The following GRAMD4 variants were observed in gnomAD, a reference collection of about 807,000 sequenced individuals.
GRAMD4 encodes the protein GRAM domain containing 4.
In GRAMD4, 25 loss-of-function variants were observed where a neutral mutation model predicts 83.9. That is an observed-to-expected ratio of 0.30 (90% CI 0.22 to 0.42). The LOEUF (loss-of-function observed/expected upper bound fraction) is 0.42. Ranked by LOEUF, GRAMD4 falls within the 10% of genes least tolerant of loss-of-function variation. The probability of loss-of-function intolerance (pLI) is 1.00; values close to 1 mark genes in which losing one functional copy is unlikely to be tolerated. For missense variants in GRAMD4, 593 were observed against 788.7 expected, an observed-to-expected ratio of 0.75 and a Z score of 2.97; for synonymous variants, 336 against 320.9, an observed-to-expected ratio of 1.05 and a Z score of -0.50.
At position 46,672,781 on chromosome 22, in the gene GRAMD4, C is replaced by G. The variant is rs971471941; in HGVS notation, c.1085-62C>G. 3 of 1,386,198 alleles carry G rather than the reference C, an allele frequency of 2.2e-6. No individual in the cohort carries two copies. In the Admixed American group the frequency reaches 5.4e-5, roughly 25 times the overall value. The allele number at this position is 1,386,198 out of a possible 1,614,324, so 85.9% of individuals were successfully genotyped here. On this transcript the variant is annotated intron_variant, in intron 13 of 18. Transcript: ENST00000406902. The surrounding 1 kb of genome is among the most constrained non-coding windows in gnomAD (Gnocchi z 4.7). ...AGGTGGGAGGTGCCGGAACCATCAC[C>G]CTGAGTAGACTGGCATAGCTGCAGA...
At chr22:46,576,835 C>T (rs1602276916), upstream of GRAMD4, among the ~76,000 whole-genome samples, 1 of 147,210 alleles carries the variant, frequency 6.8e-6, no homozygotes, top group African/African-American at 2.5e-5. Flanking sequence ...AGCGCGCGGA[C>T]GGCGTGGCCG....
chr22:46,648,819 G>C (rs1052823706), intron 3 of GRAMD4, among the ~76,000 whole-genome samples: 14 of 138,826 alleles, frequency 1.0e-4, no homozygotes, highest in African/African-American at 3.7e-4. Context: ...TGGATGGATG[G>C]ATGGATGGAT....
intron 17 of GRAMD4, among the ~76,000 whole-genome samples, chr22:46,675,768 A>G (rs1452739523): frequency 2.0e-5 from 3 of 152,060 alleles, no homozygotes; most frequent in African/African-American, 7.2e-5. Context: ...CGTGTGTCTC[A>G]AAGTGGAGGG....
intron 13 of GRAMD4, 30 bp downstream of exon 13, chr22:46,668,938 T>A: frequency 7.9e-7 from 1 of 1,271,076 alleles, no homozygotes; most frequent in Non-Finnish European, 1.1e-6. Flanking sequence ...GCCTGTAGCT[T>A]CAGGAGGAGG....
At chr22:46,656,173 G>A (rs1167623829) in intron 3 of GRAMD4, among the ~76,000 whole-genome samples, 3 of 152,222 alleles carry the variant, frequency 2.0e-5, no homozygotes, top group Middle Eastern at 3.2e-3. Flanking sequence ...CGATCCCAGC[G>A]GGCCGGGGAG....
intron 3 of GRAMD4, 28 bp downstream of exon 3, chr22:46,637,988 A>T (rs755526911): frequency 6.2e-7 from 1 of 1,609,396 alleles, no homozygotes. Context: ...CTTGGAGGGG[A>T]TGGGACAAGG....
chr22:46,648,317 AGTGGATGG>A, intron 3 of GRAMD4, among the ~76,000 whole-genome samples: 1 of 140,538 alleles, frequency 7.1e-6, no homozygotes. Context: ...CAGACAAGTG[AGTGGATGG>A]ATGGATGGAT....
At chr22:46,664,514 A>G (rs989157811) in intron 8 of GRAMD4, among the ~76,000 whole-genome samples, 2 of 152,218 alleles carry the variant, frequency 1.3e-5, no homozygotes, top group African/African-American at 4.8e-5. Flanking sequence ...CGAGGGGCCC[A>G]GCCCAGCCCC....
chr22:46,677,144 C>T lies in GRAMD4; in HGVS notation c.1633-3C>T. On this transcript the variant is annotated splice_region_variant and splice_polypyrimidine_tract_variant and intron_variant, in intron 18 of 18. Transcript: ENST00000406902. ...CTCACTGGTGGCATTTCTTCCCTGC[C>T]AGCCGCTCGTGTTTGGTGCCATGGT... The T allele has an allele frequency of 1.2e-6, 2 of 1,613,094 alleles. No individual in the cohort carries two copies. Among genetic ancestry groups the T allele is most frequent in the East Asian group, 2.2e-5 (1 of 44,878 alleles).
chr22:46,658,343 G>A (rs764550762), intron 4 of GRAMD4, 36 bp downstream of exon 4: 12 of 1,548,624 alleles, frequency 7.7e-6, no homozygotes, highest in South Asian at 3.5e-5. Flanking sequence ...GCCTGTGTGC[G>A]GCTGCCCCAA....
chr22:46,652,604 G>A (rs1456255982), intron 3 of GRAMD4, among the ~76,000 whole-genome samples: 3 of 152,210 alleles, frequency 2.0e-5, no homozygotes, highest in Non-Finnish European at 4.4e-5. Context: ...GACCTGCAGG[G>A]CAGGGAGGCC....
intron 3 of GRAMD4, among the ~76,000 whole-genome samples, chr22:46,640,717 C>T (rs2081962320): frequency 6.6e-6 from 1 of 152,064 alleles, no homozygotes; most frequent in Admixed American, 6.5e-5. Flanking sequence ...TCATGGGCCT[C>T]CCTGGTTGAA....
chr22:46,595,110 G>C (rs553355556), intron 1 of GRAMD4, among the ~76,000 whole-genome samples: 5 of 152,076 alleles, frequency 3.3e-5, no homozygotes, highest in Admixed American at 1.3e-4. Context: ...CATGCGGCCC[G>C]GGGGGAGAGT....
At position 46,677,444 on chromosome 22, in the gene GRAMD4, GGGTGCCCCTCTCCCACAGGGCACGTCA is replaced by G. The variant is rs2082615959; in HGVS notation, c.*200_*226del. On this transcript the variant is annotated 3_prime_UTR_variant, in exon 19 of 19. Coordinates refer to ENST00000406902, the MANE Select transcript of GRAMD4 (RefSeq NM_015124.5). ...AAGGGGCCAGGGCTCACAGGGACGG[GGGTGCCCCTCTCCCACAGGGCACGTCA>G]GGTGCCTCTGAGGGCCACCCGCAGA... 1 of 1,353,028 alleles carries G rather than the reference GGGTGCCCCTCTCCCACAGGGCACGTCA, an allele frequency of 7.4e-7. No homozygotes were observed. The highest frequency in any genetic ancestry group is 9.5e-7 in the Non-Finnish European group (1 of 1,051,940). The allele number at this position is 1,353,028 out of a possible 1,614,324, so 83.8% of individuals were successfully genotyped here.
At chr22:46,638,030 G>A (rs915803071) in intron 3 of GRAMD4, 70 bp downstream of exon 3, 58 of 1,527,606 alleles carry the variant, frequency 3.8e-5, no homozygotes, top group African/African-American at 2.3e-4. Flanking sequence ...GGGGGATGTC[G>A]TCTTGCCCAG....
upstream of GRAMD4, among the ~76,000 whole-genome samples, chr22:46,618,799 G>A (rs1266887855): frequency 7.3e-6 from 1 of 137,434 alleles, no homozygotes; most frequent in Non-Finnish European, 1.5e-5. The surrounding 1 kb of genome is among the most constrained non-coding windows in gnomAD (Gnocchi z 5.8). Context: ...CGGCCGGCGT[G>A]CGCTGCAGGT....
At chr22:46,635,271 A>C (rs1237564789) in intron 2 of GRAMD4, among the ~76,000 whole-genome samples, 70 of 36,014 alleles carry the variant, frequency 1.9e-3, no homozygotes, top group Non-Finnish European at 3.0e-3. Context: ...GTCCTGGGGG[A>C]CCGTGTCCTC....
chr22:46,678,163 A>T lies in GRAMD4; in HGVS notation c.*912A>T, dbSNP rs1035951982. On this transcript the variant is annotated 3_prime_UTR_variant, in exon 19 of 19. Transcript: ENST00000406902. ...GTGGCATGTCTGGCACATGGCCCCC[A>T]GGCTGCGGTTGCCTGGGTTGGTTGG... 4.1e-6 allele frequency: 4 copies of T among 985,458 alleles called. No individual in the cohort carries two copies. The African/African-American group carries it at 7.0e-5, about 17-fold the overall frequency. 61.0% of individuals were successfully genotyped at this position (985,458 alleles called of 1,614,324 possible). A position where few individuals can be genotyped will look rare whatever the true frequency, so the allele number is the denominator to read the frequency against.
chr22:46,653,973 G>C (rs933249687), intron 3 of GRAMD4, among the ~76,000 whole-genome samples: 2 of 152,220 alleles, frequency 1.3e-5, no homozygotes, highest in Non-Finnish European at 2.9e-5. Context: ...GGCTCTCTCT[G>C]AACCCTCCCC....
Sources: gnomAD v4.1 joint callset for allele counts (sites outside exome capture counted in the v4.1 genomes callset) on GRCh38, gnomAD v4.1.1 for gene constraint, Gnocchi (gnomAD v3.1) non-coding constraint, MANE v1.5 for transcripts, NCBI Gene and HGNC (gene_info 2026-07-23, HGNC 2026-07-21) for gene names.